APC: variants seen among roughly 807,000 people sequenced by gnomAD.
The protein encoded by APC is APC regulator of Wnt signaling pathway.
In APC, 72 loss-of-function variants were observed where a neutral mutation model predicts 247.0. The observed-to-expected ratio is 0.29, with a 90% confidence interval of 0.24 to 0.35. The LOEUF is 0.35. Ranked by LOEUF, APC falls within the 10% of genes least tolerant of loss-of-function variation. The pLI is 1.00. For missense variants in APC, 3,400 were observed against 3,360.7 expected (o/e 1.01, Z -0.29); for synonymous variants, 1,254 against 1,162.5 (o/e 1.08, Z -1.60).
intron 6 of APC, among the ~76,000 whole-genome samples, chr5:112,783,098 T>C (rs953342017): frequency 6.6e-6 from 1 of 152,196 alleles, no homozygotes; most frequent in Non-Finnish European, 1.5e-5. Flanking sequence ...ATGTGAGCTT[T>C]TTTTTAGAGA....
At chr5:112,826,050 T>C (rs896914712) in intron 11 of APC, among the ~76,000 whole-genome samples, 3 of 152,244 alleles carry the variant, frequency 2.0e-5, no homozygotes, top group Admixed American at 6.5e-5. Context: ...TAAATCTTCC[T>C]ACATTTAAAT....
intron 4 of APC, among the ~76,000 whole-genome samples, chr5:112,770,999 T>G (rs1382990546): frequency 6.6e-6 from 1 of 152,110 alleles, no homozygotes; most frequent in Admixed American, 6.5e-5. Context: ...TACATCATAC[T>G]ATATATATTT....
rs769273526 is a variant in APC, at chr5:112,840,699, G to A, written c.5105G>A (p.Gly1702Glu). 3.6e-5 allele frequency: 58 copies of A among 1,614,046 alleles called. No individual in the cohort carries two copies. Among genetic ancestry groups the A allele is most frequent in the East Asian group, 6.7e-5 (3 of 44,876 alleles). ...GGCAGAAGTACAGATGAGGCTCAAG[G>A]AGGAAAAACCTCATCTGTAACCATA... ...TEGRSTDEAQGGKTSSVTIPE... is the reference protein window; with the variant it reads ...TEGRSTDEAQEGKTSSVTIPE... The change falls in exon 16 of 16, where the codon GGA becomes GAA. Residue 1702 changes from glycine to glutamate, a missense_variant. Around this residue, in one of 9 missense-constraint regions of APC, gnomAD observed 1,788 missense variants for 1,649.5 expected, o/e 1.08. Transcript: ENST00000257430. The surrounding 1 kb of genome is among the most constrained non-coding windows in gnomAD (Gnocchi z 4.1).
At chr5:112,753,546 A>G (rs1305668987) in intron 1 of APC, among the ~76,000 whole-genome samples, 1 of 152,178 alleles carries the variant, frequency 6.6e-6, no homozygotes, top group African/African-American at 2.4e-5. Flanking sequence ...CAGGCCTGAA[A>G]TTAACACACA....
chr5:112,751,779 T>A (rs1315558512), intron 1 of APC, among the ~76,000 whole-genome samples: 1 of 152,050 alleles, frequency 6.6e-6, no homozygotes, highest in Non-Finnish European at 1.5e-5. Context: ...ATTTTATTCA[T>A]TAATTTGTGT....
At chr5:112,825,641 T>G (rs1011334200) in intron 11 of APC, among the ~76,000 whole-genome samples, 11 of 152,096 alleles carry the variant, frequency 7.2e-5, no homozygotes, top group Non-Finnish European at 7.4e-5. Context: ...CACTTGAACC[T>G]AGGAGTTCGC....
chr5:112,794,449 A>G (rs73218123), intron 7 of APC, among the ~76,000 whole-genome samples: 4,055 of 152,252 alleles, frequency 0.027, 208 homozygotes, highest in African/African-American at 0.092. Context: ...ACCACTGTAT[A>G]TCCTCCAGTT....
intron 1 of APC, among the ~76,000 whole-genome samples, chr5:112,741,440 C>G (rs1753004205): frequency 6.6e-6 from 1 of 152,128 alleles, no homozygotes; most frequent in African/African-American, 2.4e-5. Flanking sequence ...CAAAAGTTGA[C>G]TTTGTAAATC....
At chr5:112,774,147 C>T (rs1006426148) in intron 4 of APC, among the ~76,000 whole-genome samples, 6 of 152,080 alleles carry the variant, frequency 3.9e-5, no homozygotes, top group Non-Finnish European at 8.8e-5. Context: ...TAAGTACCCT[C>T]CAACTAAGAG....
chr5:112,744,623 G>A (rs545466549), intron 1 of APC, among the ~76,000 whole-genome samples: 1 of 152,152 alleles, frequency 6.6e-6, no homozygotes, highest in East Asian at 1.9e-4. Flanking sequence ...GGGCCTTAAA[G>A]GATGAGGATA....
Position 112,839,533 on chromosome 5 carries a change from T to G in APC, c.3939T>G (p.Thr1313=). Residue 1313 remains threonine (T), a synonymous_variant, in exon 16 of 16, where the codon ACT becomes ACG. Transcript: ENST00000257430. This position sits in a 1 kb window ranked among gnomAD's most constrained non-coding sequence, Gnocchi z 5.0. ...QIAEIKEKIG[T]RSAEDPVSEV... is the part of the protein sequence containing the mutation. Reference sequence around the variant, plus strand: ...CAGAAATAAAAGAAAAGATTGGAACTAGGTCAGCTGAAGATCCTGTGAGCG... The same window carrying G: ...CAGAAATAAAAGAAAAGATTGGAACGAGGTCAGCTGAAGATCCTGTGAGCG... 1 of 1,614,190 alleles carries G rather than the reference T, an allele frequency of 6.2e-7. No individual in the cohort carries two copies. The highest frequency in any genetic ancestry group is 8.5e-7 in the Non-Finnish European group (1 of 1,180,026).
rs1270065034 is a variant in APC, at chr5:112,843,695, C to A, written c.8101C>A (p.Gln2701Lys). ...AAACATTAAAGATTCAAAAGATAAT[C>A]AGGCAAAACAAAATGTGGGTAATGG... ...NPNIKDSKDN[Q>K]AKQNVGNGSV... The change falls in exon 16 of 16, where the codon CAG (glutamine) becomes AAG (lysine). Residue 2701 changes from glutamine to lysine, a missense_variant. Physicochemically the swap from Gln to Lys is moderately conservative, Grantham distance 53 (BLOSUM62 1). Coordinates refer to ENST00000257430, the MANE Select transcript of APC (RefSeq NM_000038.6). This position sits in a 1 kb window ranked among gnomAD's most constrained non-coding sequence, Gnocchi z 4.8. 6.2e-7 allele frequency: 1 copy of A among 1,614,024 alleles called. No homozygotes were observed. Among genetic ancestry groups the A allele is most frequent in the East Asian group, 2.2e-5 (1 of 44,878 alleles).
intron 7 of APC, among the ~76,000 whole-genome samples, chr5:112,793,826 C>G (rs766603721): frequency 8.6e-5 from 13 of 151,970 alleles, no homozygotes; most frequent in Non-Finnish European, 1.9e-4. Flanking sequence ...TAAGAATAAT[C>G]CTACACTAAG....
chr5:112,792,966 G>A (rs1053547780), intron 7 of APC, among the ~76,000 whole-genome samples: 1 of 152,140 alleles, frequency 6.6e-6, no homozygotes, highest in Admixed American at 6.6e-5. Context: ...AATCCGTGGA[G>A]CTGGAAAGCA....
Position 112,844,091 on chromosome 5 carries a change from C to G in APC, c.8497C>G (p.Arg2833Gly), listed in dbSNP as rs201459013. 6.2e-7 allele frequency: 1 copy of G among 1,611,660 alleles called. No individual in the cohort carries two copies. The highest frequency in any genetic ancestry group is 8.5e-7 in the Non-Finnish European group (1 of 1,179,370). The part of the protein sequence containing the change: ...TESSGTQSPK[R>G]HSGSYLVTSV ...ATCCAGTGGAACCCAAAGTCCTAAG[C>G]GCCATTCTGGGTCTTACCTTGTGAC... is the stretch of plus-strand genomic sequence containing the variant. Residue 2833 changes from arginine to glycine, a missense_variant, in exon 16 of 16, where the codon CGC (arginine) becomes GGC (glycine). Arg to Gly is a moderately radical substitution (Grantham distance 125). Coordinates refer to ENST00000257430, the MANE Select transcript of APC (RefSeq NM_000038.6).
rs76596358 is a variant in APC, at chr5:112,764,799, G to A, written c.136-1527G>A. Among the ~76,000 whole-genome samples, 134 of 152,238 alleles carry A rather than the reference G, an allele frequency of 8.8e-4. 3 individuals are homozygous for A. In the South Asian group the frequency reaches 0.02, roughly 23 times the overall value. The stretch of plus-strand genomic sequence containing the variant: ...AGTAGCAATGGATGGAAAGAGAATT[G>A]GAATCCTGGAAAAATCACAGGTAGT... On this transcript the variant is annotated intron_variant, in intron 2 of 15. Transcript: ENST00000257430.
In APC at chr5:112,840,929, A is replaced by G. The variant is rs1255903182; in HGVS notation, c.5335A>G (p.Ile1779Val). Residue 1779 changes from isoleucine to valine, a missense_variant, in exon 16 of 16, where the codon ATA (isoleucine) becomes GTA (valine). Physicochemically the swap from Ile to Val is conservative, Grantham distance 29. Coordinates refer to ENST00000257430, the MANE Select transcript of APC (RefSeq NM_000038.6). The surrounding 1 kb of genome is among the most constrained non-coding windows in gnomAD (Gnocchi z 4.1). ...KKKPTSPVKP[I>V]PQNTEYRTRV... ...GAAACCAACTTCACCAGTAAAACCT[A>G]TACCACAAAATACTGAATATAGGAC... 4 of 1,613,872 alleles carry G rather than the reference A, an allele frequency of 2.5e-6. No individual in the cohort carries two copies. Among genetic ancestry groups the G allele is most frequent in the Admixed American group, 1.7e-5 (1 of 59,988 alleles).
intron 11 of APC, among the ~76,000 whole-genome samples, chr5:112,825,285 TCTTA>T (rs1233302820): frequency 6.6e-6 from 1 of 152,234 alleles, no homozygotes. Context: ...CAATACTTTG[TCTTA>T]CTTCTCTTCC....
chr5:112,708,555 A>G (rs1245516328), intron 1 of APC, among the ~76,000 whole-genome samples: 1 of 152,188 alleles, frequency 6.6e-6, no homozygotes, highest in Admixed American at 6.5e-5. Context: ...AAACTGTTAT[A>G]TTCGTTTTAA....
Sources: gnomAD v4.1 joint callset for allele counts (sites outside exome capture counted in the v4.1 genomes callset) on GRCh38, gnomAD v4.1.1 for gene constraint, gnomAD v4.1.1 regional missense constraint, Gnocchi (gnomAD v3.1) non-coding constraint, MANE v1.5 for transcripts, NCBI Gene and HGNC (gene_info 2026-07-23, HGNC 2026-07-21) for gene names.